Variants in ATRNL1 observed in about 807,000 individuals in gnomAD.
ATRNL1 encodes the protein attractin-like protein 1.
ATRNL1 carries 95 observed loss-of-function variants against 182.7 expected under a neutral mutation model. The observed-to-expected ratio is 0.52, with a 90% CI of 0.44 to 0.62. The LOEUF is 0.62. Ranked by LOEUF, ATRNL1 falls within the 20% of genes least tolerant of loss-of-function variation. The pLI, the probability that ATRNL1 is intolerant of heterozygous loss-of-function variation, is 0.00. For synonymous variants in ATRNL1, 576 were observed against 568.3 expected (o/e 1.01, Z -0.19); for missense variants, 1,471 against 1,679.5 (o/e 0.88, Z 2.17).
intron 19 of ATRNL1, among the ~76,000 whole-genome samples, chr10:115,369,979 G>C (rs1857303760): frequency 6.6e-6 from 1 of 152,174 alleles, no homozygotes; most frequent in Non-Finnish European, 1.5e-5. Flanking sequence ...GGAGGGATCT[G>C]GTAGAAGATA....
chr10:115,527,515 T>A (rs1399553986), intron 25 of ATRNL1, among the ~76,000 whole-genome samples: 1 of 152,114 alleles, frequency 6.6e-6, no homozygotes, highest in Admixed American at 6.5e-5. Context: ...ATGATTTTGG[T>A]AATGTGTTTG....
chr10:115,811,222 C>A (rs953502368), intron 27 of ATRNL1, among the ~76,000 whole-genome samples: 12 of 151,856 alleles, frequency 7.9e-5, no homozygotes, highest in Admixed American at 7.9e-4. Context: ...TTCCTTGTGA[C>A]TATTTCTTTG....
chr10:115,328,099 T>C (rs1333259065), intron 18 of ATRNL1, among the ~76,000 whole-genome samples: 3 of 149,816 alleles, frequency 2.0e-5, no homozygotes, highest in Admixed American at 6.6e-5. Flanking sequence ...TAATAAAAAA[T>C]AATTTAAAAA....
intron 27 of ATRNL1, among the ~76,000 whole-genome samples, chr10:115,824,102 A>G (rs781877414): frequency 3.3e-4 from 50 of 152,206 alleles, no homozygotes; most frequent in Non-Finnish European, 5.6e-4. Flanking sequence ...GGAACAGAAC[A>G]GAGGCCTCAG....
intron 19 of ATRNL1, among the ~76,000 whole-genome samples, chr10:115,373,422 G>A (rs1450677275): frequency 6.6e-6 from 1 of 151,920 alleles, no homozygotes; most frequent in African/African-American, 2.4e-5. Context: ...GTGAGTGTCG[G>A]AAACCTTGTC....
intron 28 of ATRNL1, among the ~76,000 whole-genome samples, chr10:115,881,469 C>G (rs1423697771): frequency 1.3e-5 from 2 of 152,178 alleles, no homozygotes; most frequent in African/African-American, 4.8e-5. Context: ...ATAGCTTTCA[C>G]CCACAAAGCT....
intron 18 of ATRNL1, among the ~76,000 whole-genome samples, chr10:115,321,361 A>G (rs1416097390): frequency 6.6e-6 from 1 of 152,152 alleles, no homozygotes; most frequent in Non-Finnish European, 1.5e-5. Flanking sequence ...ACTATTTGAT[A>G]TGTGAGGGCT....
At chr10:115,345,813 A>G (rs549896965) in intron 19 of ATRNL1, among the ~76,000 whole-genome samples, 26 of 152,310 alleles carry the variant, frequency 1.7e-4, no homozygotes, top group African/African-American at 6.3e-4. Context: ...AAATTTACTT[A>G]TATTCTAGAT....
chr10:115,275,087 A>G (rs1211906311), intron 13 of ATRNL1, among the ~76,000 whole-genome samples: 5 of 152,132 alleles, frequency 3.3e-5, no homozygotes, highest in African/African-American at 1.2e-4. Flanking sequence ...ATTTTTCTAC[A>G]TAGAGGCTGT....
chr10:115,147,087 A>G (rs1846008335), intron 5 of ATRNL1, among the ~76,000 whole-genome samples: 1 of 152,082 alleles, frequency 6.6e-6, no homozygotes, highest in African/African-American at 2.4e-5. Flanking sequence ...TTACATCCCT[A>G]CCAACACTGT....
chr10:115,527,952 CTTT>C (rs1554987084), intron 25 of ATRNL1, among the ~76,000 whole-genome samples: 1 of 105,892 alleles, frequency 9.4e-6, no homozygotes, highest in African/African-American at 3.6e-5. Context: ...TTCCTTCCTT[CTTT>C]CCTTCCCTCC....
At chr10:115,941,342 T>G (rs950035865) in intron 28 of ATRNL1, among the ~76,000 whole-genome samples, 1 of 152,246 alleles carries the variant, frequency 6.6e-6, no homozygotes, top group Non-Finnish European at 1.5e-5. Flanking sequence ...CCAGGACATG[T>G]TGTCAGAGAC....
At chr10:115,617,045 G>A (rs1439426307) in intron 26 of ATRNL1, among the ~76,000 whole-genome samples, 1 of 152,182 alleles carries the variant, frequency 6.6e-6, no homozygotes, top group Non-Finnish European at 1.5e-5. Flanking sequence ...TGCACCATGT[G>A]CTTGGAAAAG....
intron 8 of ATRNL1, among the ~76,000 whole-genome samples, chr10:115,210,210 T>A (rs1848966304): frequency 6.6e-6 from 1 of 151,988 alleles, no homozygotes; most frequent in South Asian, 2.1e-4. Flanking sequence ...ATAATGAAAG[T>A]GATTCTGTAT....
At chr10:115,697,852 C>G (rs1294651433) in intron 26 of ATRNL1, among the ~76,000 whole-genome samples, 2 of 152,120 alleles carry the variant, frequency 1.3e-5, no homozygotes, top group Non-Finnish European at 2.9e-5. Context: ...CTATCCTGTA[C>G]TTGGCTGTCC....
At chr10:115,894,389 A>G (rs1375606687) in intron 28 of ATRNL1, among the ~76,000 whole-genome samples, 1 of 152,176 alleles carries the variant, frequency 6.6e-6, no homozygotes, top group Non-Finnish European at 1.5e-5. Context: ...CTTTACAGAA[A>G]TCTAAGAGCT....
intron 9 of ATRNL1, among the ~76,000 whole-genome samples, chr10:115,230,870 TGAGAGAGAGAGAGAGAGAGAGAGAGAGA>T (rs1169884107): frequency 1.6e-4 from 13 of 83,718 alleles, no homozygotes; most frequent in South Asian, 1.3e-3. Context: ...ATAGAGTGGA[TGAGAGAGAGAGAGAGAGAGAGAGAGAGA>T]GAGAGAGAGA....
In ATRNL1 at chr10:115,533,815, G is replaced by T. The variant is rs528121997; in HGVS notation, c.3716+14491G>T. On this transcript the variant is annotated intron_variant, in intron 25 of 28. Coordinates refer to ENST00000355044, the MANE Select transcript of ATRNL1 (RefSeq NM_207303.4). ...TCTGGTATGTTGTGTCTTTGTTCTCGTTGGTTTCAAAAAACATCTTTATTT... is the reference window on the plus strand; with the variant it reads ...TCTGGTATGTTGTGTCTTTGTTCTCTTTGGTTTCAAAAAACATCTTTATTT... Among the ~76,000 whole-genome samples the T allele has an allele frequency of 4.1e-4, 58 of 141,708 alleles. No individual in the cohort carries two copies. In the South Asian group the frequency reaches 0.012, roughly 30 times the overall value. 93.0% of individuals were successfully genotyped at this position (141,708 alleles called of 152,430 possible).
At chr10:115,428,480 G>A (rs570608229) in intron 21 of ATRNL1, among the ~76,000 whole-genome samples, 1 of 152,138 alleles carries the variant, frequency 6.6e-6, no homozygotes, top group East Asian at 1.9e-4. Context: ...ATCTAAGAGG[G>A]AAAGCATTCA....
Sources: gnomAD v4.1 joint callset for allele counts (sites outside exome capture counted in the v4.1 genomes callset) on GRCh38, gnomAD v4.1.1 for gene constraint, MANE v1.5 for transcripts, NCBI Gene and HGNC (gene_info 2026-07-23, HGNC 2026-07-21) for gene names.